Variants in HAL observed in about 807,000 individuals in gnomAD.
The protein encoded by HAL is histidase.
HAL carries 85 observed loss-of-function variants against 81.1 expected under a neutral mutation model. That is an observed-to-expected ratio of 1.05 (90% CI 0.88 to 1.25). The LOEUF (loss-of-function observed/expected upper bound fraction) is 1.25, where lower values mean the gene tolerates loss of function less well. HAL is among the 50% of genes most tolerant of loss of function. HAL has a pLI of 0.00. For synonymous variants in HAL, 301 were observed against 309.2 expected (o/e 0.97, Z 0.28); for missense variants, 798 against 836.6 (o/e 0.95, Z 0.57).
In HAL at chr12:95,974,234, A is replaced by C; in HGVS notation, c.1972T>G (p.Ter658GluextTer5). 1 of 1,613,892 alleles carries C rather than the reference A, an allele frequency of 6.2e-7. No individual in the cohort carries two copies. Among genetic ancestry groups the C allele is most frequent in the Non-Finnish European group, 8.5e-7 (1 of 1,179,762 alleles). The change falls in exon 21 of 21, where the codon TAA becomes GAA. Residue 658 changes from the stop codon to glutamate, a stop_lost. Coordinates refer to ENST00000261208, the MANE Select transcript of HAL (RefSeq NM_002108.4). ...CTGCTACTTCATGACAAAGCCCATT[A>C]AAGGTCCTCAGACTCCGGGATTTTG... ...STKIPESEDL[*>E]
intron 20 of HAL, 37 bp from the exon 21 acceptor site, chr12:95,974,409 C>A (rs375882818): frequency 3.1e-6 from 5 of 1,601,080 alleles, no homozygotes; most frequent in African/African-American, 1.3e-5. Flanking sequence ...GAAATATTGA[C>A]GACATTGTTT....
At chr12:95,991,064 T>A (rs2287055) in intron 9 of HAL, among the ~76,000 whole-genome samples, 1 of 152,062 alleles carries the variant, frequency 6.6e-6, no homozygotes, top group Non-Finnish European at 1.5e-5. Context: ...GAGCCGAGAT[T>A]GTGCCACTGC....
rs1340088009 is a variant in HAL at position 95,985,956 on chromosome 12, C to A, written c.1158G>T (p.Arg386Ser). 1.9e-6 allele frequency: 3 copies of A among 1,610,182 alleles called. No homozygotes were observed. Among genetic ancestry groups the A allele is most frequent in the Admixed American group, 3.3e-5 (2 of 59,972 alleles). The change falls in exon 14 of 21, where the codon AGG becomes AGT. Residue 386 changes from arginine to serine, a missense_variant. By Grantham distance (110) the Arg-to-Ser change is moderately radical. Coordinates refer to ENST00000261208, the MANE Select transcript of HAL (RefSeq NM_002108.4). ...HHPSEIAESHRFCDRVQDAYT... is the reference protein window; with the variant it reads ...HHPSEIAESHSFCDRVQDAYT... ...ATGCATCCTGGACGCGATCACAGAA[C>A]CTGTGACTCTCTGTGGAAGAGGTGG...
At chr12:95,990,904 G>A (rs1949962190) in intron 9 of HAL, among the ~76,000 whole-genome samples, 1 of 152,190 alleles carries the variant, frequency 6.6e-6, no homozygotes, top group African/African-American at 2.4e-5. Flanking sequence ...GAGCCCAGGA[G>A]TTCAAGACCA....
rs925778606 is a variant in HAL at position 95,976,482 on chromosome 12, G to A, written c.1780C>T (p.Arg594Cys). The A allele has an allele frequency of 1.2e-5, 20 of 1,613,932 alleles. No individual in the cohort carries two copies. The highest frequency in any genetic ancestry group is 2.2e-5 in the East Asian group (1 of 44,898). Residue 594 changes from arginine (R) to cysteine (C), a missense_variant, in exon 20 of 21, where the codon CGC becomes TGC. Arg to Cys is a radical substitution (Grantham distance 180). Transcript: ENST00000261208. ...RSVVRPWIKD[R>C]FMAPDIEAAH... ...GCCTCGATGTCCGGGGCCATGAAGCGATCTTTTATCCAGGGCCTACAGGGA... is the reference window on the plus strand; with the variant it reads ...GCCTCGATGTCCGGGGCCATGAAGCAATCTTTTATCCAGGGCCTACAGGGA...
intron 20 of HAL, among the ~76,000 whole-genome samples, chr12:95,975,855 C>G (rs2080712404): frequency 6.6e-6 from 1 of 152,192 alleles, no homozygotes; most frequent in Admixed American, 6.5e-5. Flanking sequence ...AGGTTTAAAG[C>G]ACTTCAAAAA....
intron 2 of HAL, 169 bp from the exon 3 acceptor site, chr12:95,995,162 CA>C: frequency 1.5e-6 from 1 of 669,766 alleles, no homozygotes; most frequent in Admixed American, 2.2e-5. Context: ...AGGAGGAGAG[CA>C]AAAAGCAGAA....
chr12:95,992,854 G>A (rs771313655), intron 8 of HAL, 49 bp from the exon 9 acceptor site: 2 of 1,559,570 alleles, frequency 1.3e-6, no homozygotes, highest in Non-Finnish European at 8.8e-7. Flanking sequence ...ACTCCTTTTT[G>A]TCTCCTGACA....
At chr12:95,983,396 CA>C (rs35963926) in intron 15 of HAL, among the ~76,000 whole-genome samples, 38,245 of 147,384 alleles carry the variant, frequency 0.26, 6,306 homozygotes, top group African/African-American at 0.48. Flanking sequence ...TAAAAATAAA[CA>C]AAAAAAAAAA....
chr12:95,995,566 C>T (rs1950023680), intron 2 of HAL, 98 bp downstream of exon 2: 1 of 1,543,210 alleles, frequency 6.5e-7, no homozygotes, highest in Non-Finnish European at 8.9e-7. Context: ...CAAGCCTGAC[C>T]TCTGCTCATC....
chr12:95,985,896 T>TC lies in HAL; in HGVS notation c.1206+11dup, dbSNP rs752993944. ...CATTTTTTATTGACCTTTTTTTTTT[T>TC]CTTTATTTTACCTGTGGACAGCAGC... On this transcript the variant is annotated intron_variant, in intron 14 of 20. Coordinates refer to ENST00000261208, the MANE Select transcript of HAL (RefSeq NM_002108.4). The TC allele has an allele frequency of 2.5e-5, 40 of 1,583,286 alleles. No individual in the cohort carries two copies. In the Admixed American group the frequency reaches 6.6e-4, roughly 26 times the overall value.
Position 95,978,003 on chromosome 12 carries a change from A to T in HAL, c.1595T>A (p.Val532Asp). The change falls in exon 18 of 21, where the codon GTC becomes GAC. Residue 532 changes from valine to aspartate, a missense_variant. Physicochemically the swap from Val to Asp is radical, Grantham distance 152 (BLOSUM62 -3). Transcript: ENST00000261208. Reference sequence around the variant, plus strand: ...CCTTGCTGCCCATCCTCCCATGGAGACGTGGTCCTCCGTGGCTGCGCTGGT... The same window carrying T: ...CCTTGCTGCCCATCCTCCCATGGAGTCGTGGTCCTCCGTGGCTGCGCTGGT... ...LSTSAATEDH[V>D]SMGGWAARKA... The T allele has an allele frequency of 1.2e-6, 2 of 1,613,078 alleles. No individual in the cohort carries two copies. Among genetic ancestry groups the T allele is most frequent in the Non-Finnish European group, 1.7e-6 (2 of 1,179,032 alleles).
At chr12:95,989,774 A>T (rs1361940258) in intron 10 of HAL, 1 of 159,340 alleles carries the variant, frequency 6.3e-6, no homozygotes, top group African/African-American at 2.4e-5. Flanking sequence ...TAGAAGCTGC[A>T]TCCCCAAAAG....
intron 20 of HAL, chr12:95,976,135 G>T (rs1321633004): frequency 2.4e-6 from 1 of 422,712 alleles, no homozygotes; most frequent in Non-Finnish European, 4.4e-6. Flanking sequence ...GGGGTGGGGA[G>T]GCATCAATGA....
chr12:95,978,029 G>A lies in HAL; in HGVS notation c.1569C>T (p.Ser523=). The change falls in exon 18 of 21, where the codon TCC becomes TCT. Residue 523 remains serine, a synonymous_variant. Transcript: ENST00000261208. ...CGTGGTCCTCCGTGGCTGCGCTGGT[G>A]GAGAGGGAGTCAACAGACGAGGGAT... is the stretch of plus-strand genomic sequence containing the variant. ...LCHPSSVDSL[S]TSAATEDHVS... 4 of 1,613,544 alleles carry A rather than the reference G, an allele frequency of 2.5e-6. No individual in the cohort carries two copies. Among genetic ancestry groups the A allele is most frequent in the Admixed American group, 1.7e-5 (1 of 60,024 alleles).
At chr12:95,985,852 G>A (rs1949878513) in intron 14 of HAL, 56 bp downstream of exon 14, 4 of 1,204,632 alleles carry the variant, frequency 3.3e-6, no homozygotes, top group South Asian at 2.6e-5. Context: ...TGAACCTGGG[G>A]AAAGAAAAAC....
At position 95,995,979 on chromosome 12, in the gene HAL, G is replaced by A. The variant is rs533071898; in HGVS notation, c.-69C>T. 2.5e-5 allele frequency: 39 copies of A among 1,530,078 alleles called. No individual in the cohort carries two copies. The East Asian group carries it at 4.3e-4, about 17-fold the overall frequency. The allele number at this position is 1,530,078 out of a possible 1,614,324, so 94.8% of individuals were successfully genotyped here. ...AGAGCTTTATGCAGGAGTGGCTACC[G>A]GGGTGTGGTCAGCTGGAAGGATGAG... On this transcript the variant is annotated 5_prime_UTR_variant, in exon 2 of 21. Coordinates refer to ENST00000261208, the MANE Select transcript of HAL (RefSeq NM_002108.4).
intron 15 of HAL, 147 bp from the exon 16 acceptor site, chr12:95,981,010 T>C (rs2080788631): frequency 2.8e-6 from 2 of 705,720 alleles, no homozygotes; most frequent in South Asian, 3.0e-5. Flanking sequence ...GCAAGAGATA[T>C]AAAGGGGCAC....
intron 10 of HAL, chr12:95,990,160 T>C: frequency 3.4e-6 from 2 of 581,394 alleles, no homozygotes; most frequent in Non-Finnish European, 3.1e-6. Context: ...GTAGCAGTTA[T>C]GCCTTTTCAC....
Sources: allele counts gnomAD v4.1 joint callset (sites outside exome capture counted in the v4.1 genomes callset), GRCh38; gene constraint gnomAD v4.1.1; transcripts MANE v1.5; gene names NCBI Gene and HGNC (gene_info 2026-07-23, HGNC 2026-07-21).